The following RFX4 variants were observed in gnomAD, a reference collection of about 807,000 sequenced individuals.
RFX4 encodes the protein regulatory factor X4.
Under a neutral mutation model 95.0 loss-of-function variants are expected in RFX4, and 10 were observed. The observed-to-expected ratio is 0.11, with a 90% CI of 0.06 to 0.18. The LOEUF is 0.18. Among genes scored for constraint, RFX4 ranks in the 10% least tolerant of loss-of-function variants. RFX4 has a pLI of 1.00. For missense variants in RFX4, 640 were observed against 922.0 expected, an observed-to-expected ratio of 0.69 and a Z score of 3.96; for synonymous variants, 321 against 340.7, an observed-to-expected ratio of 0.94 and a Z score of 0.64.
rs774700738 is a variant in RFX4, at chr12:106,715,389, T to C, written c.994-11T>C. The C allele has an allele frequency of 1.8e-5, 29 of 1,611,192 alleles. No individual in the cohort carries two copies. The highest frequency in any genetic ancestry group is 2.4e-5 in the Non-Finnish European group (28 of 1,177,970). ...CCCATGAGCTAACGAGTTGATTGGA[T>C]TGGATTATAGGCATCTCGAACAGTG... On this transcript the variant is annotated splice_polypyrimidine_tract_variant and intron_variant, in intron 10 of 17. Coordinates refer to ENST00000392842, the MANE Select transcript of RFX4 (RefSeq NM_213594.3).
At chr12:106,660,387 G>C (rs560268109) in intron 4 of RFX4, among the ~76,000 whole-genome samples, 6 of 151,790 alleles carry the variant, frequency 4.0e-5, no homozygotes, top group Non-Finnish European at 7.4e-5. Flanking sequence ...CCCTCTCTCA[G>C]CCCACAACCC....
At chr12:106,608,339 C>G (rs546017906) in intron 1 of RFX4, among the ~76,000 whole-genome samples, 1 of 152,198 alleles carries the variant, frequency 6.6e-6, no homozygotes, top group Non-Finnish European at 1.5e-5. Flanking sequence ...CAACCAGAGT[C>G]CCTAAAGTTT....
intron 15 of RFX4, among the ~76,000 whole-genome samples, chr12:106,735,067 G>GA (rs1431838561): frequency 1.3e-5 from 2 of 149,246 alleles, no homozygotes; most frequent in Admixed American, 6.7e-5. Context: ...AAAAGAAGAA[G>GA]AAGAAAGAAA....
In RFX4 at chr12:106,708,644, TGGA is replaced by T. The variant is rs1196507724; in HGVS notation, c.834-681_834-679del. Among the ~76,000 whole-genome samples the T allele has an allele frequency of 6.6e-5, 10 of 152,144 alleles. 1 individual carries two copies. Among genetic ancestry groups the T allele is most frequent in the Admixed American group, 5.9e-4 (9 of 15,270 alleles). The stretch of plus-strand genomic sequence containing the variant: ...TCTGGCACAACCAAGGAGGACTTCG[TGGA>T]GGAGAACGAACCTAGGCCTGTGAGC... On this transcript the variant is annotated intron_variant, in intron 8 of 17. Transcript: ENST00000392842.
In RFX4 at chr12:106,654,259, G is replaced by A. The variant is rs1444353698; in HGVS notation, c.223G>A (p.Val75Ile). The change falls in exon 4 of 18, where the codon GTC becomes ATC. Residue 75 changes from valine (V) to isoleucine (I), a missense_variant. By Grantham distance (29) the Val-to-Ile change is conservative (BLOSUM62 3). Around this residue, in one of 7 missense-constraint regions of RFX4, gnomAD observed 89 missense variants for 173.8 expected, o/e 0.51. Transcript: ENST00000392842. ...GGAGAACTATGAGATTGCAGAGGGG[G>A]TCTGCATCCCTCGCAGTGCCCTCTA... ...LEENYEIAEG[V>I]CIPRSALYMH... 1 of 1,613,950 alleles carries A rather than the reference G, an allele frequency of 6.2e-7. No homozygotes were observed. The highest frequency in any genetic ancestry group is 8.5e-7 in the Non-Finnish European group (1 of 1,179,880).
rs150130524 is a variant in RFX4, at chr12:106,756,527, G to C, written c.1936-4670G>C. Among the ~76,000 whole-genome samples the C allele has an allele frequency of 3.4e-3, 522 of 151,826 alleles. 3 individuals are homozygous for C. Among genetic ancestry groups the C allele is most frequent in the African/African-American group, 0.012 (488 of 41,310 alleles). On this transcript the variant is annotated intron_variant, in intron 17 of 17. Coordinates refer to ENST00000392842, the MANE Select transcript of RFX4 (RefSeq NM_213594.3). Reference sequence around the variant, plus strand: ...CATTGGGTGCTACAAAGTTTGCTTAGGGCACTGTACTTTGGGTTGGTGTCT... The same window carrying C: ...CATTGGGTGCTACAAAGTTTGCTTACGGCACTGTACTTTGGGTTGGTGTCT...
intron 15 of RFX4, among the ~76,000 whole-genome samples, chr12:106,739,096 AAAATCAAT>A (rs1439985138): frequency 6.8e-6 from 1 of 146,514 alleles, no homozygotes; most frequent in African/African-American, 2.5e-5. Context: ...TAAAAACAGA[AAAATCAAT>A]TTCGTAAAAA....
At chr12:106,732,073 A>T in intron 13 of RFX4, 57 bp from the exon 14 acceptor site, 1 of 1,597,482 alleles carries the variant, frequency 6.3e-7, no homozygotes, top group Non-Finnish European at 8.5e-7. Context: ...GACCAGACAG[A>T]GGGGGCATAC....
chr12:106,605,379 A>G (rs2039807391), intron 1 of RFX4, among the ~76,000 whole-genome samples: 1 of 152,210 alleles, frequency 6.6e-6, no homozygotes, highest in Non-Finnish European at 1.5e-5. Context: ...CTTGTGAGAC[A>G]TGAATTGGAG....
intron 1 of RFX4, among the ~76,000 whole-genome samples, chr12:106,602,332 C>A (rs2039729553): frequency 1.3e-5 from 2 of 152,306 alleles, no homozygotes; most frequent in South Asian, 2.1e-4. Flanking sequence ...AGAAACCATG[C>A]CTTCCTCATT....
intron 15 of RFX4, among the ~76,000 whole-genome samples, chr12:106,740,988 A>G (rs2042794515): frequency 6.6e-6 from 1 of 152,198 alleles, no homozygotes; most frequent in Admixed American, 6.5e-5. Flanking sequence ...TGTATAATAA[A>G]TAAGGAAGAG....
intron 8 of RFX4, among the ~76,000 whole-genome samples, chr12:106,703,793 T>A (rs951723543): frequency 6.6e-6 from 1 of 152,092 alleles, no homozygotes; most frequent in African/African-American, 2.4e-5. Flanking sequence ...GGGCCAGGCA[T>A]GGTGGCTCAT....
At chr12:106,587,524 C>T (rs1479904918) in intron 1 of RFX4, among the ~76,000 whole-genome samples, 1 of 152,226 alleles carries the variant, frequency 6.6e-6, no homozygotes, top group African/African-American at 2.4e-5. Context: ...GACCATCCTG[C>T]TTCCCAGAGG....
chr12:106,648,261 C>T (rs868346013), intron 3 of RFX4, among the ~76,000 whole-genome samples: 1 of 152,054 alleles, frequency 6.6e-6, no homozygotes, highest in Admixed American at 6.6e-5. Flanking sequence ...TCATCCCCTG[C>T]GGTAGGAAGG....
At chr12:106,678,014 T>C (rs1036645637) in intron 4 of RFX4, among the ~76,000 whole-genome samples, 4 of 152,214 alleles carry the variant, frequency 2.6e-5, no homozygotes, top group Non-Finnish European at 4.4e-5. Flanking sequence ...TATTGATCTA[T>C]ACATTATTCA....
intron 17 of RFX4, among the ~76,000 whole-genome samples, chr12:106,760,024 C>G (rs1010204013): frequency 6.6e-6 from 1 of 152,184 alleles, no homozygotes; most frequent in Admixed American, 6.5e-5. Context: ...TGTCATAACC[C>G]CTTCTCCCTG....
At chr12:106,729,197 C>G (rs1233950891) in intron 13 of RFX4, among the ~76,000 whole-genome samples, 1 of 152,164 alleles carries the variant, frequency 6.6e-6, no homozygotes, top group Non-Finnish European at 1.5e-5. Context: ...GCTTTCCATG[C>G]TAATTCATTA....
In RFX4 at chr12:106,687,159, C is replaced by T. The variant is rs1341937114; in HGVS notation, c.591+62C>T. 49 of 1,181,284 alleles carry T rather than the reference C, an allele frequency of 4.1e-5. No individual in the cohort carries two copies. In the East Asian group the frequency reaches 1.1e-3, roughly 26 times the overall value. The allele number at this position is 1,181,284 out of a possible 1,614,324, so 73.2% of individuals were successfully genotyped here. On this transcript the variant is annotated intron_variant, in intron 6 of 17. Transcript: ENST00000392842. Reference sequence around the variant, plus strand: ...TTTCTCTCTCTTTCTCTCTCTCTCTCTGTCTCTATCTCTCTCTCTCTCTCA... The same window carrying T: ...TTTCTCTCTCTTTCTCTCTCTCTCTTTGTCTCTATCTCTCTCTCTCTCTCA...
rs1047198590 is a variant in RFX4 at position 106,655,512 on chromosome 12, C to G, written c.315+1161C>G. On this transcript the variant is annotated intron_variant, in intron 4 of 17. Transcript: ENST00000392842. ...GTATGGCTCTGCTATGGAGGTGCCCCTCAGCAGGTGGGAGAAGGGAGAGCA... is the reference window on the plus strand; with the variant it reads ...GTATGGCTCTGCTATGGAGGTGCCCGTCAGCAGGTGGGAGAAGGGAGAGCA... 3.3e-5 allele frequency among the ~76,000 whole-genome samples: 5 copies of G among 152,276 alleles called. No individual in the cohort carries two copies. In the East Asian group the frequency reaches 9.7e-4, roughly 29 times the overall value.
Sources: gnomAD v4.1 joint callset for allele counts (sites outside exome capture counted in the v4.1 genomes callset) on GRCh38, gnomAD v4.1.1 for gene constraint, gnomAD v4.1.1 regional missense constraint, MANE v1.5 for transcripts, NCBI Gene and HGNC (gene_info 2026-07-23, HGNC 2026-07-21) for gene names.